Variants in STIMATE observed in about 807,000 individuals in gnomAD.
STIMATE encodes store-operated calcium entry regulator STIMATE.
Under a neutral mutation model 36.7 loss-of-function variants are expected in STIMATE, and 15 were observed. That is an observed-to-expected ratio of 0.41 (90% CI 0.27 to 0.63). STIMATE has a LOEUF of 0.63. Ranked by LOEUF, STIMATE falls within the 20% of genes least tolerant of loss-of-function variation. STIMATE has a pLI of 0.32. For synonymous variants in STIMATE, 163 were observed against 162.3 expected (o/e 1.00, Z -0.03); for missense variants, 305 against 397.3 (o/e 0.77, Z 1.98).
chr3:52,843,448 C>T (rs771229094), intron 6 of STIMATE, among the ~76,000 whole-genome samples: 1 of 152,112 alleles, frequency 6.6e-6, no homozygotes, highest in African/African-American at 2.4e-5. Context: ...TGGCGCTACA[C>T]ATGGGTGGGG....
At chr3:52,891,158 C>T (rs1701775902) in intron 1 of STIMATE, among the ~76,000 whole-genome samples, 1 of 152,140 alleles carries the variant, frequency 6.6e-6, no homozygotes, top group South Asian at 2.1e-4. Flanking sequence ...GAAGTAGCCA[C>T]AGATACGGAG....
intron 1 of STIMATE, among the ~76,000 whole-genome samples, chr3:52,879,360 G>A (rs146422711): frequency 2.1e-4 from 32 of 152,306 alleles, no homozygotes; most frequent in African/African-American, 7.0e-4. Flanking sequence ...CCCGCTATGA[G>A]CTAAAATACC....
chr3:52,879,975 G>C (rs1227064480), intron 1 of STIMATE, among the ~76,000 whole-genome samples: 1 of 152,188 alleles, frequency 6.6e-6, no homozygotes, highest in Admixed American at 6.5e-5. Context: ...TGTTTCTGGG[G>C]TTGTATCACA....
chr3:52,853,259 A>T (rs1038687717), intron 2 of STIMATE, among the ~76,000 whole-genome samples: 2 of 152,224 alleles, frequency 1.3e-5, no homozygotes, highest in African/African-American at 4.8e-5. Context: ...GCAGTCATAG[A>T]CACAGCTATT....
chr3:52,869,825 T>A (rs1384651225), intron 1 of STIMATE, among the ~76,000 whole-genome samples: 1 of 152,212 alleles, frequency 6.6e-6, no homozygotes, highest in Non-Finnish European at 1.5e-5. Flanking sequence ...GTTCAAAACC[T>A]GGCTTTAGAG....
chr3:52,848,132 G>C (rs756742182), intron 4 of STIMATE: 2 of 152,556 alleles, frequency 1.3e-5, no homozygotes, highest in Non-Finnish European at 2.9e-5. Flanking sequence ...TGTTACAGTA[G>C]CAATAGAAAA....
intron 6 of STIMATE, 58 bp from the exon 7 acceptor site, chr3:52,843,018 G>A (rs964238781): frequency 3.2e-5 from 51 of 1,608,890 alleles, no homozygotes; most frequent in Admixed American, 5.0e-5. Context: ...AAGCAAAGCC[G>A]AACAGCCCCC....
intron 1 of STIMATE, among the ~76,000 whole-genome samples, chr3:52,869,972 G>C (rs1701375364): frequency 6.6e-6 from 1 of 152,230 alleles, no homozygotes; most frequent in Non-Finnish European, 1.5e-5. Context: ...GCCATGCTTT[G>C]TACTTGGCAA....
At chr3:52,841,878 A>C (rs1700803215) in intron 7 of STIMATE, 1 of 152,208 alleles carries the variant, frequency 6.6e-6, no homozygotes, top group Admixed American at 6.5e-5. Flanking sequence ...TTCTGCCCAT[A>C]ACACTGTTTG....
intron 1 of STIMATE, among the ~76,000 whole-genome samples, chr3:52,858,319 G>T (rs979915928): frequency 1.3e-5 from 2 of 152,164 alleles, no homozygotes; most frequent in South Asian, 4.1e-4. Context: ...CATCCCAGAA[G>T]AATGAACTAG....
intron 1 of STIMATE, among the ~76,000 whole-genome samples, chr3:52,856,318 T>C (rs961628257): frequency 3.3e-5 from 5 of 152,186 alleles, no homozygotes; most frequent in Non-Finnish European, 7.4e-5. Context: ...GAATGAATCC[T>C]GCAGGAAACG....
At chr3:52,879,411 T>C (rs908747831) in intron 1 of STIMATE, among the ~76,000 whole-genome samples, 1 of 151,874 alleles carries the variant, frequency 6.6e-6, no homozygotes, top group Non-Finnish European at 1.5e-5. Flanking sequence ...CCTTCCAGAG[T>C]AGTCTGATGG....
intron 4 of STIMATE, 57 bp from the exon 5 acceptor site, chr3:52,844,998 T>C (rs1408586350): frequency 6.3e-7 from 1 of 1,578,348 alleles, no homozygotes; most frequent in East Asian, 2.3e-5. Context: ...AGTGAGATGA[T>C]GTCCCCACCC....
At chr3:52,845,291 A>C (rs1366748871) in intron 4 of STIMATE, among the ~76,000 whole-genome samples, 3 of 152,326 alleles carry the variant, frequency 2.0e-5, no homozygotes, top group African/African-American at 7.2e-5. Context: ...CAAGACTGCT[A>C]TTCTTATCCG....
At chr3:52,860,614 G>C (rs1701201775) in intron 1 of STIMATE, among the ~76,000 whole-genome samples, 1 of 152,134 alleles carries the variant, frequency 6.6e-6, no homozygotes, top group South Asian at 2.1e-4. Context: ...CACAGGGATG[G>C]TATGGCAGCA....
rs757761844 is a variant in STIMATE at position 52,844,952 on chromosome 3, A to AGGCG, written c.428-15_428-12dup. ...ACTGCAGAGGGTCTCCTGCAGGGACAGGCGGGTGCTTAGTCACATGGGGCC... is the reference window on the plus strand; with the variant it reads ...ACTGCAGAGGGTCTCCTGCAGGGACAGGCGGGCGGGTGCTTAGTCACATGGGGCC... On this transcript the variant is annotated splice_polypyrimidine_tract_variant and intron_variant, in intron 4 of 7. Coordinates refer to ENST00000355083, the MANE Select transcript of STIMATE (RefSeq NM_198563.5). The AGGCG allele has an allele frequency of 3.1e-6, 5 of 1,612,390 alleles. No individual in the cohort carries two copies. Among genetic ancestry groups the AGGCG allele is most frequent in the Admixed American group, 1.7e-5 (1 of 59,982 alleles).
intron 2 of STIMATE, among the ~76,000 whole-genome samples, chr3:52,854,171 T>C: frequency 6.6e-6 from 1 of 151,690 alleles, no homozygotes; most frequent in Middle Eastern, 3.2e-3. Flanking sequence ...CTAAGAGGAG[T>C]TTTTGTTCTA....
At chr3:52,847,414 C>A (rs1461558952) in intron 4 of STIMATE, 1 of 1,281,908 alleles carries the variant, frequency 7.8e-7, no homozygotes, top group African/African-American at 1.5e-5. Flanking sequence ...GATGTCAGGG[C>A]TTCCACATGG....
chr3:52,844,502 G>A (rs1363535843), intron 5 of STIMATE, among the ~76,000 whole-genome samples: 1 of 152,256 alleles, frequency 6.6e-6, no homozygotes, highest in African/African-American at 2.4e-5. Flanking sequence ...GCCAAGAGAG[G>A]TGTGTGACAG....
Sources: allele counts gnomAD v4.1 joint callset (sites outside exome capture counted in the v4.1 genomes callset), GRCh38; gene constraint gnomAD v4.1.1; transcripts MANE v1.5; gene names NCBI Gene and HGNC (gene_info 2026-07-23, HGNC 2026-07-21).